The following PCDHA7 variants were observed in gnomAD, a reference collection of about 807,000 sequenced individuals.
PCDHA7 encodes protocadherin alpha-7.
A neutral mutation model predicts 57.2 loss-of-function variants in PCDHA7; 37 were observed. The ratio of observed to expected loss-of-function variants is 0.65; its 90% CI spans 0.50 to 0.85. PCDHA7 has a LOEUF of 0.85. PCDHA7 is among the 40% of genes least tolerant of loss of function. The pLI is 0.00. For missense variants in PCDHA7, 1,188 were observed against 1,241.8 expected (o/e 0.96, Z 0.65); for synonymous variants, 553 against 558.8 (o/e 0.99, Z 0.15).
intron 1 of PCDHA7, chr5:140,849,827 G>T (rs1554143366): frequency 6.3e-7 from 1 of 1,598,480 alleles, no homozygotes; most frequent in Non-Finnish European, 8.6e-7. Context: ...TGTCTGTGGA[G>T]GTGGCCGACG....
In PCDHA7 at chr5:140,834,317, G is replaced by A; in HGVS notation, c.-67G>A. The A allele has an allele frequency of 2.9e-6, 4 of 1,393,006 alleles. No individual in the cohort carries two copies. The highest frequency in any genetic ancestry group is 1.4e-5 in the South Asian group (1 of 73,386). The allele number at this position is 1,393,006 out of a possible 1,614,324, so 86.3% of individuals were successfully genotyped here. ...CCACACATCGAGATTGAAATGAAGG[G>A]ATAAAAACATTCCTATAAATTCGAA... is the stretch of plus-strand genomic sequence containing the variant. On this transcript the variant is annotated 5_prime_UTR_variant, in exon 1 of 4. Transcript: ENST00000525929.
At chr5:140,876,418 T>G in intron 1 of PCDHA7, 1 of 1,613,982 alleles carries the variant, frequency 6.2e-7, no homozygotes, top group African/African-American at 1.3e-5. Context: ...GAATAATGCC[T>G]ATGAAATTCA....
rs533936031 is a variant in PCDHA7, at chr5:140,883,438, G to A, written c.2355+46700G>A. 14 of 1,614,132 alleles carry A rather than the reference G, an allele frequency of 8.7e-6. No individual in the cohort carries two copies. The South Asian group carries it at 1.3e-4, about 15-fold the overall frequency. ...ATGGACAGGTCACCTGCACCTTGAC[G>A]CCGCATGTCCCCTTCAAGCTGGTGT... On this transcript the variant is annotated intron_variant, in intron 1 of 3. Coordinates refer to ENST00000525929, the MANE Select transcript of PCDHA7 (RefSeq NM_018910.3).
intron 1 of PCDHA7, among the ~76,000 whole-genome samples, chr5:140,916,163 C>T (rs546851152): frequency 4.6e-5 from 7 of 152,184 alleles, no homozygotes; most frequent in Admixed American, 1.3e-4. Context: ...TGAATGCTGC[C>T]AGGCCTGGGA....
intron 1 of PCDHA7, chr5:140,854,257 T>C (rs189442319): frequency 3.3e-6 from 2 of 609,080 alleles, no homozygotes; most frequent in Non-Finnish European, 4.1e-6. Flanking sequence ...TGGTATAAAA[T>C]GTACATTAGT....
At chr5:141,007,395 C>CAAAAAAAAAAA (rs35800918) in intron 3 of PCDHA7, among the ~76,000 whole-genome samples, 6 of 94,856 alleles carry the variant, frequency 6.3e-5, no homozygotes, top group South Asian at 3.5e-4. Flanking sequence ...TACTAAAATA[C>CAAAAAAAAAAA]AAAAAAAAAA....
At chr5:140,850,702 AGCCGAC>A (rs2150495011) in intron 1 of PCDHA7, 2 of 1,598,050 alleles carry the variant, frequency 1.3e-6, no homozygotes, top group Non-Finnish European at 1.7e-6. Flanking sequence ...GCGCCTGGCA[AGCCGAC>A]GCTGGTGTGT....
chr5:140,836,400 G>T lies in PCDHA7; in HGVS notation c.2017G>T (p.Gly673Cys). The change falls in exon 1 of 4, where the codon GGC becomes TGC. Residue 673 changes from glycine to cysteine, a missense_variant. Physicochemically the swap from Gly to Cys is radical, Grantham distance 159. This residue lies in a region of PCDHA7 where 892 missense variants were observed against 788.5 expected (regional missense o/e 1.13). Coordinates refer to ENST00000525929, the MANE Select transcript of PCDHA7 (RefSeq NM_018910.3). The part of the protein sequence containing the change: ...ATVLVSLVES[G>C]QAPKASSRAS... ...CGTGCTGGTGTCGCTGGTGGAAAGC[G>T]GCCAGGCACCAAAGGCGTCGTCGCG... The T allele has an allele frequency of 6.2e-7, 1 of 1,613,760 alleles. No individual in the cohort carries two copies. Among genetic ancestry groups the T allele is most frequent in the Non-Finnish European group, 8.5e-7 (1 of 1,179,854 alleles).
At chr5:140,882,675 G>C in intron 1 of PCDHA7, 1 of 1,614,218 alleles carries the variant, frequency 6.2e-7, no homozygotes, top group East Asian at 2.2e-5. Flanking sequence ...TTCCCTGAAA[G>C]CAAGAAACGA....
At chr5:140,842,951 C>A (rs2150348628) in intron 1 of PCDHA7, 3 of 1,594,846 alleles carry the variant, frequency 1.9e-6, no homozygotes, top group Non-Finnish European at 2.6e-6. Context: ...GGGCGTGCCG[C>A]CTCTGGGCAG....
At chr5:140,941,797 A>G (rs1425454318) in intron 1 of PCDHA7, among the ~76,000 whole-genome samples, 1 of 152,224 alleles carries the variant, frequency 6.6e-6, no homozygotes, top group African/African-American at 2.4e-5. Flanking sequence ...AAGAATATTT[A>G]GTTGATTTCA....
At chr5:140,879,939 T>C (rs1554171083) in intron 1 of PCDHA7, among the ~76,000 whole-genome samples, 1 of 152,194 alleles carries the variant, frequency 6.6e-6, no homozygotes. Flanking sequence ...TGTGATTGTA[T>C]TTAGGGCCCA....
At chr5:140,877,649 C>A (rs369703340) in intron 1 of PCDHA7, 1 of 1,613,438 alleles carries the variant, frequency 6.2e-7, no homozygotes, top group Non-Finnish European at 8.5e-7. Context: ...TGCTCAGCGC[C>A]GCCCACCGTG....
At chr5:140,882,824 C>G in intron 1 of PCDHA7, 6 of 1,614,206 alleles carry the variant, frequency 3.7e-6, no homozygotes, top group Non-Finnish European at 5.1e-6. Flanking sequence ...ACAAAACAGT[C>G]TTGAGCAAAT....
chr5:141,008,526 G>A (rs2153997518), intron 3 of PCDHA7, among the ~76,000 whole-genome samples: 1 of 152,126 alleles, frequency 6.6e-6, no homozygotes, highest in Non-Finnish European at 1.5e-5. Flanking sequence ...TCAGACTCTT[G>A]GGAATGTCTT....
At chr5:140,845,127 A>G (rs1183874019) in intron 1 of PCDHA7, among the ~76,000 whole-genome samples, 4 of 149,560 alleles carry the variant, frequency 2.7e-5, no homozygotes, top group Non-Finnish European at 6.0e-5. Flanking sequence ...TTAGCATTTT[A>G]TTTGACTATT....
intron 1 of PCDHA7, among the ~76,000 whole-genome samples, chr5:140,900,465 C>T (rs936722061): frequency 1.3e-5 from 2 of 152,156 alleles, no homozygotes; most frequent in Admixed American, 1.3e-4. Context: ...TTAGTAGACA[C>T]GGAGTTTCTC....
At chr5:140,984,973 T>C (rs1397062066) in intron 3 of PCDHA7, among the ~76,000 whole-genome samples, 1 of 152,150 alleles carries the variant, frequency 6.6e-6, no homozygotes, top group Non-Finnish European at 1.5e-5. Context: ...AGTCTCGCTC[T>C]GTCCCCCAGG....
intron 1 of PCDHA7, chr5:140,930,059 A>G (rs1486359495): frequency 6.6e-6 from 1 of 152,200 alleles, no homozygotes; most frequent in Non-Finnish European, 1.5e-5. Flanking sequence ...TTGCTTACAC[A>G]AAAACTGTAA....
Sources: gnomAD v4.1 joint callset for allele counts (sites outside exome capture counted in the v4.1 genomes callset) on GRCh38, gnomAD v4.1.1 for gene constraint, gnomAD v4.1.1 regional missense constraint, MANE v1.5 for transcripts, NCBI Gene and HGNC (gene_info 2026-07-23, HGNC 2026-07-21) for gene names.